The following TNRC6B variants were observed in gnomAD, a reference collection of about 807,000 sequenced individuals.
The protein encoded by TNRC6B is trinucleotide repeat-containing gene 6B protein.
TNRC6B carries 52 observed loss-of-function variants against 203.6 expected under a neutral mutation model. That is an observed-to-expected ratio of 0.26 (90% CI 0.20 to 0.32). TNRC6B has a LOEUF of 0.32. Among genes scored for constraint, TNRC6B ranks in the 10% least tolerant of loss-of-function variants. TNRC6B has a pLI of 1.00. For missense variants in TNRC6B, 1,923 were observed against 2,286.2 expected (o/e 0.84, Z 3.24); for synonymous variants, 838 against 845.7 (o/e 0.99, Z 0.16).
rs1482422850 is a variant in TNRC6B, at chr22:40,316,006, C to A, written c.4968C>A (p.Thr1656=). ...ACTGGCTGGTTCTTCACAATCTCAC[C>A]CCACAGGTAATTATGCTTTCTCGCA... The part of the protein sequence containing the change: ...PSYWLVLHNL[T]PQIDGSTLRT... The change falls in exon 21 of 23, where the codon ACC becomes ACA. Residue 1656 remains threonine (T), a synonymous_variant. Transcript: ENST00000454349. 8 of 1,613,458 alleles carry A rather than the reference C, an allele frequency of 5.0e-6. No homozygotes were observed. The highest frequency in any genetic ancestry group is 6.8e-6 in the Non-Finnish European group (8 of 1,179,566).
intron 1 of TNRC6B, among the ~76,000 whole-genome samples, chr22:40,232,961 C>T (rs2069896003): frequency 6.6e-6 from 1 of 151,810 alleles, no homozygotes; most frequent in Admixed American, 6.6e-5. Flanking sequence ...ACCATCCTGG[C>T]CAATGGTGAA....
intron 3 of TNRC6B, among the ~76,000 whole-genome samples, chr22:40,255,085 C>A (rs1279329803): frequency 6.6e-6 from 1 of 152,134 alleles, no homozygotes; most frequent in Non-Finnish European, 1.5e-5. Context: ...CAGGGAAGGG[C>A]TTCCTGCTTG....
At chr22:40,149,638 A>G (rs911651005) in intron 3 of TNRC6B, among the ~76,000 whole-genome samples, 4 of 146,330 alleles carry the variant, frequency 2.7e-5, no homozygotes, top group African/African-American at 1.0e-4. Context: ...CCATTGCACT[A>G]CAGCCTGGCA....
chr22:40,319,480 C>T (rs1228319102), intron 21 of TNRC6B, among the ~76,000 whole-genome samples: 1 of 142,006 alleles, frequency 7.0e-6, no homozygotes, highest in Non-Finnish European at 1.5e-5. Flanking sequence ...CTGGAGTGTG[C>T]AGTGGCGCGA....
chr22:40,132,969 A>AAAAATATATATATATAT (rs1282694632), intron 3 of TNRC6B, among the ~76,000 whole-genome samples: 1 of 78,174 alleles, frequency 1.3e-5, no homozygotes, highest in Non-Finnish European at 2.6e-5. Context: ...AAAAAAAAAA[A>AAAAATATATATATATAT]ATATATATAT....
At chr22:40,088,252 C>T (rs185261875) in intron 1 of TNRC6B, among the ~76,000 whole-genome samples, 16 of 152,256 alleles carry the variant, frequency 1.1e-4, no homozygotes, top group Admixed American at 3.3e-4. Flanking sequence ...TAGGTAGTTC[C>T]TCAAGGCCAG....
chr22:40,193,457 G>T (rs952568616), intron 1 of TNRC6B, among the ~76,000 whole-genome samples: 1 of 152,224 alleles, frequency 6.6e-6, no homozygotes, highest in African/African-American at 2.4e-5. Context: ...TGCTGCCCTG[G>T]TTGGGCTTCC....
chr22:40,069,258 G>A (rs1283210505), intron 1 of TNRC6B, among the ~76,000 whole-genome samples: 1 of 151,716 alleles, frequency 6.6e-6, no homozygotes, highest in Non-Finnish European at 1.5e-5. Flanking sequence ...CACACTACCA[G>A]GTTGACTGAT....
intron 1 of TNRC6B, among the ~76,000 whole-genome samples, chr22:40,061,854 A>G (rs2067856301): frequency 6.6e-6 from 1 of 152,088 alleles, no homozygotes. Flanking sequence ...TGGGTGGATC[A>G]TCTGACGTCA....
intron 16 of TNRC6B, among the ~76,000 whole-genome samples, 192 bp from the exon 17 acceptor site, chr22:40,310,625 G>A (rs1156241205): frequency 6.6e-6 from 1 of 152,160 alleles, no homozygotes; most frequent in African/African-American, 2.4e-5. Flanking sequence ...GCTCAGAGAG[G>A]CGAAATGACT....
chr22:40,227,105 T>TATTATC (rs972358297), intron 1 of TNRC6B, among the ~76,000 whole-genome samples: 102 of 147,576 alleles, frequency 6.9e-4, no homozygotes, highest in African/African-American at 2.4e-3. Flanking sequence ...TTATTATTAT[T>TATTATC]ATTATTATTA....
At chr22:40,176,217 C>T (rs1262923822), upstream of TNRC6B, among the ~76,000 whole-genome samples, 1 of 151,692 alleles carries the variant, frequency 6.6e-6, no homozygotes, top group East Asian at 1.9e-4. Flanking sequence ...CTCCGCCTCC[C>T]GGGTTCAAGC....
intron 3 of TNRC6B, among the ~76,000 whole-genome samples, chr22:40,256,598 C>A (rs1318920825): frequency 6.6e-6 from 1 of 152,170 alleles, no homozygotes; most frequent in South Asian, 2.1e-4. Context: ...TTTATGGGAG[C>A]ACAGCCACAC....
intron 1 of TNRC6B, among the ~76,000 whole-genome samples, chr22:40,064,685 C>G (rs1463109031): frequency 6.7e-6 from 1 of 150,302 alleles, no homozygotes; most frequent in East Asian, 2.0e-4. Flanking sequence ...GGCACGATCT[C>G]GGCTCACTGC....
At chr22:40,080,473 T>C (rs975753201) in intron 1 of TNRC6B, among the ~76,000 whole-genome samples, 12 of 152,192 alleles carry the variant, frequency 7.9e-5, no homozygotes, top group Non-Finnish European at 1.6e-4. Flanking sequence ...TCTAATCTTA[T>C]TATGTCACTC....
In TNRC6B at chr22:40,267,434, C is replaced by T. The variant is rs940785240; in HGVS notation, c.2806+398C>T. On this transcript the variant is annotated intron_variant, in intron 5 of 22. Coordinates refer to ENST00000454349, the MANE Select transcript of TNRC6B (RefSeq NM_001162501.2). ...ATGGACATGTCTCTGCTTCTGTTTCCCCAGCAAAGGGAAATAATTCTGTGT... is the reference window on the plus strand; with the variant it reads ...ATGGACATGTCTCTGCTTCTGTTTCTCCAGCAAAGGGAAATAATTCTGTGT... 2.6e-5 allele frequency among the ~76,000 whole-genome samples: 4 copies of T among 152,170 alleles called. No individual in the cohort carries two copies. In the East Asian group the frequency reaches 7.7e-4, roughly 29 times the overall value.
rs545191520 is a variant in TNRC6B at position 40,266,826 on chromosome 22, A to G, written c.2596A>G (p.Thr866Ala). The change falls in exon 5 of 23, where the codon ACA (threonine) becomes GCA (alanine). Residue 866 changes from threonine (T) to alanine (A), a missense_variant. Transcript: ENST00000454349. Reference sequence around the variant, plus strand: ...CTGGAGCAGCGGGCCACAGCCTGCAACACCTAAGGATGAGGAACCCAGTGG... The same window carrying G: ...CTGGAGCAGCGGGCCACAGCCTGCAGCACCTAAGGATGAGGAACCCAGTGG... Reference protein sequence around the residue: ...SSWSSGPQPATPKDEEPSGWE... With the variant: ...SSWSSGPQPAAPKDEEPSGWE... 13 of 1,613,964 alleles carry G rather than the reference A, an allele frequency of 8.1e-6. No individual in the cohort carries two copies. The East Asian group carries it at 8.9e-5, about 11-fold the overall frequency.
chr22:40,061,196 G>A (rs974573234), intron 1 of TNRC6B, among the ~76,000 whole-genome samples: 13 of 152,062 alleles, frequency 8.5e-5, no homozygotes, highest in African/African-American at 2.4e-4. Flanking sequence ...TGAAAGGAAC[G>A]TATGTCCGCT....
chr22:40,248,373 A>G (rs1269491062), intron 2 of TNRC6B, among the ~76,000 whole-genome samples: 1 of 152,228 alleles, frequency 6.6e-6, no homozygotes, highest in East Asian at 1.9e-4. Context: ...TTTGCAGTCT[A>G]TGGAGATGAG....
Sources: gnomAD v4.1 joint callset for allele counts (sites outside exome capture counted in the v4.1 genomes callset) on GRCh38, gnomAD v4.1.1 for gene constraint, MANE v1.5 for transcripts, NCBI Gene and HGNC (gene_info 2026-07-23, HGNC 2026-07-21) for gene names.